NPEPPS: variants seen among roughly 807,000 people sequenced by gnomAD.
NPEPPS encodes puromycin-sensitive aminopeptidase.
In NPEPPS, 14 loss-of-function variants were observed where a neutral mutation model predicts 115.5. The observed-to-expected ratio is 0.12, with a 90% CI of 0.08 to 0.19. NPEPPS has a LOEUF of 0.19. NPEPPS is among the 10% of genes least tolerant of loss of function. The probability of loss-of-function intolerance (pLI) is 1.00; values close to 1 mark genes in which losing one functional copy is unlikely to be tolerated. For missense variants in NPEPPS, 523 were observed against 1,110.8 expected, an observed-to-expected ratio of 0.47 and a Z score of 7.52; for synonymous variants, 285 against 390.6, an observed-to-expected ratio of 0.73 and a Z score of 3.19.
chr17:47,599,801 G>C, intron 14 of NPEPPS, 62 bp downstream of exon 14: 1 of 1,275,702 alleles, frequency 7.8e-7, no homozygotes, highest in Non-Finnish European at 1.1e-6. Context: ...AATACCAGTA[G>C]TATTCCAACT....
At chr17:47,528,170 T>C (rs538003571), upstream of NPEPPS, among the ~76,000 whole-genome samples, 142 of 147,244 alleles carry the variant, frequency 9.6e-4, no homozygotes, top group Middle Eastern at 4.1e-3. Context: ...GGCATGGTGG[T>C]GGGCGCCTGT....
intron 1 of NPEPPS, among the ~76,000 whole-genome samples, chr17:47,536,386 CTCTTTTTTTTTTTT>C (rs1908263412): frequency 7.9e-6 from 1 of 126,630 alleles, no homozygotes; most frequent in East Asian, 2.3e-4. Context: ...CATATTTTCT[CTCTTTTTTTTTTTT>C]TTTTTTTTTG....
chr17:47,540,960 CTGG>C (rs2143692677), intron 1 of NPEPPS, among the ~76,000 whole-genome samples: 1 of 151,750 alleles, frequency 6.6e-6, no homozygotes, highest in Admixed American at 6.6e-5. Context: ...TGGTAGTATC[CTGG>C]AAAAAAAAAA....
chr17:47,582,214 T>G (rs1911923259), intron 4 of NPEPPS: 1 of 163,300 alleles, frequency 6.1e-6, no homozygotes, highest in Non-Finnish European at 1.3e-5. Flanking sequence ...GTGTAGCATA[T>G]GGAAGTGCCA....
chr17:47,606,018 C>T (rs943580665), intron 17 of NPEPPS, among the ~76,000 whole-genome samples: 5 of 151,992 alleles, frequency 3.3e-5, no homozygotes, highest in African/African-American at 1.2e-4. Context: ...GCTGGGATTA[C>T]AGGCATGTGC....
intron 2 of NPEPPS, among the ~76,000 whole-genome samples, chr17:47,550,483 C>T (rs1373046764): frequency 2.0e-5 from 3 of 148,622 alleles, no homozygotes; most frequent in East Asian, 1.9e-4. Context: ...CTTTTATTAA[C>T]GCTGTTTGGA....
In NPEPPS at chr17:47,623,027, C is replaced by T. The variant is rs1278493396; in HGVS notation, c.*1107C>T. On this transcript the variant is annotated 3_prime_UTR_variant, in exon 23 of 23. Transcript: ENST00000322157. ...TGCTTCAACAGTATATCCTAATAAG[C>T]CTCACCTATTTAATCCAATGAGTTT... 2 of 362,054 alleles carry T rather than the reference C, an allele frequency of 5.5e-6. No individual in the cohort carries two copies. Among genetic ancestry groups the T allele is most frequent in the Non-Finnish European group, 5.5e-6 (1 of 182,746 alleles). The allele number at this position is 362,054 out of a possible 1,614,324, so 22.4% of individuals were successfully genotyped here.
At chr17:47,595,453 C>G (rs774535777) in intron 12 of NPEPPS, among the ~76,000 whole-genome samples, 4 of 152,224 alleles carry the variant, frequency 2.6e-5, no homozygotes, top group Non-Finnish European at 2.9e-5. Flanking sequence ...GAACACATTT[C>G]AATTTCTTTG....
At chr17:47,543,246 G>A (rs534710770) in intron 1 of NPEPPS, among the ~76,000 whole-genome samples, 20 of 151,568 alleles carry the variant, frequency 1.3e-4, no homozygotes, top group African/African-American at 4.8e-4. Flanking sequence ...GAGAAAAGAT[G>A]CGTAGTAACC....
At chr17:47,603,183 C>T (rs769308252) in intron 15 of NPEPPS, among the ~76,000 whole-genome samples, 4 of 151,986 alleles carry the variant, frequency 2.6e-5, no homozygotes, top group African/African-American at 4.8e-5. Context: ...GGCTGAGGCG[C>T]GGCGGATCAC....
intron 2 of NPEPPS, among the ~76,000 whole-genome samples, chr17:47,561,913 C>T (rs1225770189): frequency 1.3e-5 from 2 of 152,208 alleles, no homozygotes; most frequent in Non-Finnish European, 2.9e-5. Context: ...TTAGGTCCTA[C>T]TTTTGTCCAA....
rs559116651 is a variant in NPEPPS at position 47,565,061 on chromosome 17, G to C, written c.341-4356G>C. Among the ~76,000 whole-genome samples, 379 of 152,286 alleles carry C rather than the reference G, an allele frequency of 2.5e-3. 3 individuals carry two copies. Among genetic ancestry groups the C allele is most frequent in the African/African-American group, 8.8e-3 (365 of 41,542 alleles). Reference sequence around the variant, plus strand: ...GTGCCAGAAACTGCTAGCATTGGAAGTAGAGCTGTGAACAAAATCAAGCAT... The same window carrying C: ...GTGCCAGAAACTGCTAGCATTGGAACTAGAGCTGTGAACAAAATCAAGCAT... On this transcript the variant is annotated intron_variant, in intron 2 of 22. Coordinates refer to ENST00000322157, the MANE Select transcript of NPEPPS (RefSeq NM_006310.4).
rs147511971 is a variant in NPEPPS, at chr17:47,539,420, T to C, written c.256-6489T>C. 3.2e-3 allele frequency among the ~76,000 whole-genome samples: 485 copies of C among 152,318 alleles called. 1 individual carries two copies. Among genetic ancestry groups the C allele is most frequent in the African/African-American group, 0.011 (466 of 41,562 alleles). The stretch of plus-strand genomic sequence containing the variant: ...GGTCACTTGTAATCTCTTTAAAATT[T>C]TATTTTAAATTAGGAAATATTTTAG... On this transcript the variant is annotated intron_variant, in intron 1 of 22. Coordinates refer to ENST00000322157, the MANE Select transcript of NPEPPS (RefSeq NM_006310.4).
chr17:47,543,889 T>G (rs1398042116), intron 1 of NPEPPS, among the ~76,000 whole-genome samples: 3 of 127,600 alleles, frequency 2.4e-5, no homozygotes, highest in Non-Finnish European at 5.3e-5. Context: ...GTTTGTTTGT[T>G]TGTTTATTTA....
intron 12 of NPEPPS, 64 bp from the exon 13 acceptor site, chr17:47,596,289 A>G: frequency 9.4e-7 from 1 of 1,064,420 alleles, no homozygotes; most frequent in Non-Finnish European, 1.3e-6. Flanking sequence ...GTTAAATAAA[A>G]TTTCTTTTTT....
chr17:47,523,418 C>CT (rs901392400), intron 1 of NPEPPS, among the ~76,000 whole-genome samples: 85 of 149,198 alleles, frequency 5.7e-4, no homozygotes, highest in African/African-American at 1.9e-3. Context: ...AAATAATAGG[C>CT]TTTTTTTTTG....
At chr17:47,615,997 G>A (rs531262659) in intron 19 of NPEPPS, among the ~76,000 whole-genome samples, 1 of 152,320 alleles carries the variant, frequency 6.6e-6, no homozygotes, top group African/African-American at 2.4e-5. Context: ...TATTTGAAAT[G>A]TGGTGTTAGA....
intron 2 of NPEPPS, among the ~76,000 whole-genome samples, chr17:47,547,478 T>G (rs536394735): frequency 8.0e-4 from 121 of 152,182 alleles, no homozygotes; most frequent in Non-Finnish European, 1.5e-3. Flanking sequence ...CCCAAGTAGC[T>G]GATATTACAG....
At chr17:47,526,409 G>C (rs1276433912), upstream of NPEPPS, among the ~76,000 whole-genome samples, 2 of 152,148 alleles carry the variant, frequency 1.3e-5, no homozygotes, top group Non-Finnish European at 2.9e-5. Context: ...AAGATGAGGA[G>C]GTCATTCCAG....
Sources: allele counts gnomAD v4.1 joint callset (sites outside exome capture counted in the v4.1 genomes callset), GRCh38; gene constraint gnomAD v4.1.1; transcripts MANE v1.5; gene names NCBI Gene and HGNC (gene_info 2026-07-23, HGNC 2026-07-21).